NIN: variants seen among roughly 807,000 people sequenced by gnomAD.
The protein encoded by NIN is ninein.
Under a neutral mutation model 257.6 loss-of-function variants are expected in NIN, and 137 were observed. That is an observed-to-expected ratio of 0.53 (90% CI 0.46 to 0.61). NIN has a LOEUF of 0.61. Ranked by LOEUF, NIN falls within the 20% of genes least tolerant of loss-of-function variation. The pLI, the probability that NIN is intolerant of heterozygous loss-of-function variation, is 0.00. For missense variants in NIN, 2,439 were observed against 2,501.2 expected, an observed-to-expected ratio of 0.98 and a Z score of 0.53; for synonymous variants, 918 against 919.8, an observed-to-expected ratio of 1.00 and a Z score of 0.04.
In NIN at chr14:50,770,871, G is replaced by A. The variant is rs1566829746; in HGVS notation, c.1240C>T (p.Arg414Trp). ...CCTCACCTGAGGTTGTACTCATTCCGCCGCTCTATGGCCGCATGGTGATCA... is the reference window on the plus strand; with the variant it reads ...CCTCACCTGAGGTTGTACTCATTCCACCGCTCTATGGCCGCATGGTGATCA... ...VDDHHAAIER[R>W]NEYNLRKLDE... The change falls in exon 11 of 31, where the codon CGG (arginine) becomes TGG (tryptophan). Residue 414 changes from arginine to tryptophan, a missense_variant. Physicochemically the swap from Arg to Trp is moderately radical, Grantham distance 101 (BLOSUM62 -3). Around this residue, in one of 3 missense-constraint regions of NIN, gnomAD observed 2,043 missense variants for 2,050.2 expected, o/e 1.00. Transcript: ENST00000530997. The A allele has an allele frequency of 5.0e-6, 8 of 1,613,652 alleles. No homozygotes were observed. The highest frequency in any genetic ancestry group is 6.8e-6 in the Non-Finnish European group (8 of 1,179,920).
intron 4 of NIN, among the ~76,000 whole-genome samples, chr14:50,804,771 C>T (rs1392431416): frequency 6.6e-6 from 1 of 151,564 alleles, no homozygotes; most frequent in East Asian, 1.9e-4. Context: ...AATACGCTAA[C>T]ACTAATGATT....
chr14:50,757,732 G>A lies in NIN; in HGVS notation c.3298C>T (p.Pro1100Ser). 5 of 1,614,114 alleles carry A rather than the reference G, an allele frequency of 3.1e-6. No homozygotes were observed. Among genetic ancestry groups the A allele is most frequent in the Non-Finnish European group, 4.2e-6 (5 of 1,180,010 alleles). Residue 1100 changes from proline (P) to serine (S), a missense_variant, in exon 18 of 31, where the codon CCA becomes TCA. Coordinates refer to ENST00000530997, the MANE Select transcript of NIN (RefSeq NM_020921.4). ...RLQQRLQKLE[P>S]GLVMSSCLDE... is the part of the protein sequence containing the mutation. ...AAACAAGAAGACATTACTAACCCTGGCTCTAACTTTTGTAGCCTCTGTTGC... is the reference window on the plus strand; with the variant it reads ...AAACAAGAAGACATTACTAACCCTGACTCTAACTTTTGTAGCCTCTGTTGC...
intron 30 of NIN, 66 bp downstream of exon 30, chr14:50,725,887 G>T: frequency 1.9e-6 from 3 of 1,613,344 alleles, no homozygotes; most frequent in South Asian, 1.1e-5. Flanking sequence ...GGCAATAAAG[G>T]GATGTAAAAC....
At position 50,758,074 on chromosome 14, in the gene NIN, T is replaced by C; in HGVS notation, c.2956A>G (p.Lys986Glu). 6.2e-7 allele frequency: 1 copy of C among 1,614,218 alleles called. No individual in the cohort carries two copies. Among genetic ancestry groups the C allele is most frequent in the Non-Finnish European group, 8.5e-7 (1 of 1,180,034 alleles). Residue 986 changes from lysine (K) to glutamate (E), a missense_variant, in exon 18 of 31, where the codon AAG becomes GAG. Coordinates refer to ENST00000530997, the MANE Select transcript of NIN (RefSeq NM_020921.4). ...HDQERQEMMS[K>E]LLAMENIHKA... Reference sequence around the variant, plus strand: ...TGAATGTTCTCCATGGCTAGAAGCTTGGACATCATTTCCTGCCTTTCCTGG... The same window carrying C: ...TGAATGTTCTCCATGGCTAGAAGCTCGGACATCATTTCCTGCCTTTCCTGG...
intron 4 of NIN, among the ~76,000 whole-genome samples, chr14:50,797,099 T>C (rs2043873580): frequency 6.6e-6 from 1 of 151,948 alleles, no homozygotes; most frequent in Non-Finnish European, 1.5e-5. Context: ...TTAAAGGAGA[T>C]TTTTCAAAGA....
At position 50,778,764 on chromosome 14, in the gene NIN, C is replaced by A. The variant is rs746868457; in HGVS notation, c.475+1G>T. The A allele has an allele frequency of 6.2e-7, 1 of 1,614,042 alleles. No homozygotes were observed. The highest frequency in any genetic ancestry group is 8.5e-7 in the Non-Finnish European group (1 of 1,179,994). On this transcript the variant is annotated splice_donor_variant, in intron 6 of 30. Transcript: ENST00000530997. LOFTEE classifies it high-confidence loss of function. ...CACGTCCTGACACACTCGGCTCTTA[C>A]CTTCCGCTTCATACTCCTCACTGCG...
intron 18 of NIN, among the ~76,000 whole-genome samples, chr14:50,755,648 C>CTCTTTTTTTTTTTTTT (rs1566808426): frequency 1.3e-5 from 1 of 79,992 alleles, no homozygotes. Context: ...TGTTTTGTCT[C>CTCTTTTTTTTTTTTTT]TTTTTTTTTT....
chr14:50,814,333 A>C (rs2044778787), intron 3 of NIN, among the ~76,000 whole-genome samples: 1 of 152,198 alleles, frequency 6.6e-6, no homozygotes, highest in Non-Finnish European at 1.5e-5. Flanking sequence ...ATTACTAGGA[A>C]GTCACTATTT....
chr14:50,766,870 AT>A lies in NIN; in HGVS notation c.1454del (p.Asn485MetfsTer4), dbSNP rs1217104561. 1 of 1,613,498 alleles carries A rather than the reference AT, an allele frequency of 6.2e-7. No individual in the cohort carries two copies. The highest frequency in any genetic ancestry group is 8.5e-7 in the Non-Finnish European group (1 of 1,179,624). On this transcript the variant is annotated frameshift_variant, in exon 13 of 31. Coordinates refer to ENST00000530997, the MANE Select transcript of NIN (RefSeq NM_020921.4). LOFTEE classifies it high-confidence loss of function. The stretch of plus-strand genomic sequence containing the variant: ...ACTTCTCTGCATTTTCTAGAAGCTC[AT>A]TTTCCAGACGACTGTTTTCCTGAAC... ...LSLKENSRLE[N>X]ELLENAEKLA...
chr14:50,733,485 TCCTTAGCTGTTC>T (rs2040822248), intron 28 of NIN, among the ~76,000 whole-genome samples: 1 of 152,214 alleles, frequency 6.6e-6, no homozygotes, highest in East Asian at 1.9e-4. Context: ...CCATGCTTTT[TCCTTAGCTGTTC>T]GGCTCCAGTG....
At chr14:50,772,703 T>C (rs2042784470) in intron 8 of NIN, among the ~76,000 whole-genome samples, 1 of 152,196 alleles carries the variant, frequency 6.6e-6, no homozygotes, top group Non-Finnish European at 1.5e-5. Flanking sequence ...TGTCCCTAAT[T>C]AACACCAGGT....
chr14:50,823,185 AT>A lies in NIN; in HGVS notation c.-21-1109del, dbSNP rs757656518. 3.1e-5 allele frequency: 17 copies of A among 554,516 alleles called. No homozygotes were observed. In the Admixed American group the frequency reaches 3.5e-4, roughly 11 times the overall value. The allele number at this position is 554,516 out of a possible 1,614,324, so 34.3% of individuals were successfully genotyped here. A position where few individuals can be genotyped will look rare whatever the true frequency, so the allele number is the denominator to read the frequency against. ...TTTTTTTTTCCTTGCATGACAGTTC[AT>A]TTTTAACGTGCTGGATTTTCCGATG... On this transcript the variant is annotated intron_variant, in intron 2 of 30. Transcript: ENST00000530997.
At chr14:50,822,247 G>C (rs557505227) in intron 2 of NIN, among the ~76,000 whole-genome samples, 170 bp from the exon 3 acceptor site, 1 of 152,284 alleles carries the variant, frequency 6.6e-6, no homozygotes, top group Admixed American at 6.5e-5. Flanking sequence ...TGTAGGACCA[G>C]CCCTGGCCAG....
chr14:50,793,010 T>G, intron 4 of NIN, 129 bp from the exon 5 acceptor site: 1 of 875,774 alleles, frequency 1.1e-6, no homozygotes, highest in South Asian at 1.7e-5. Context: ...CCAATTGTGG[T>G]GGCTGTGGGT....
chr14:50,758,389 T>G lies in NIN; in HGVS notation c.2641A>C (p.Lys881Gln), dbSNP rs1224090831. Reference sequence around the variant, plus strand: ...ACCAGAGAAGTTGTTTTCTCTCTCTTAAGAGTCTCTTTCAGCAGCTCCTGG... The same window carrying G: ...ACCAGAGAAGTTGTTTTCTCTCTCTGAAGAGTCTCTTTCAGCAGCTCCTGG... ...EAQELLKETL[K>Q]REKTTSLVLT... Residue 881 changes from lysine (K) to glutamine (Q), a missense_variant, in exon 18 of 31, where the codon AAG (lysine) becomes CAG (glutamine). Physicochemically the swap from Lys to Gln is moderately conservative, Grantham distance 53. Transcript: ENST00000530997. The G allele has an allele frequency of 6.2e-7, 1 of 1,614,080 alleles. No individual in the cohort carries two copies. The highest frequency in any genetic ancestry group is 2.2e-5 in the East Asian group (1 of 44,886).
Position 50,822,487 on chromosome 14 carries a change from T to C in NIN, c.-21-410A>G, listed in dbSNP as rs78382073. ...AAAAGCCACTTTGACAGCAAGACTATTCAAGTGAACTAATTGTTAGCGCCA... is the reference window on the plus strand; with the variant it reads ...AAAAGCCACTTTGACAGCAAGACTACTCAAGTGAACTAATTGTTAGCGCCA... On this transcript the variant is annotated intron_variant, in intron 2 of 30. Coordinates refer to ENST00000530997, the MANE Select transcript of NIN (RefSeq NM_020921.4). 7.8e-3 allele frequency among the ~76,000 whole-genome samples: 1,190 copies of C among 152,292 alleles called. 24 individuals carry two copies. Among genetic ancestry groups the C allele is most frequent in the African/African-American group, 0.028 (1,157 of 41,566 alleles).
chr14:50,756,621 T>C lies in NIN; in HGVS notation c.4409A>G (p.Glu1470Gly). ...TTGCTTAACTAAAATAGTGACTCTC[T>C]CCTTCAACTTCCTAGTCAGCTCCTG... ...KLQELTRKLK[E>G]RVTILVKQKD... The change falls in exon 18 of 31, where the codon GAG (glutamate) becomes GGG (glycine). Residue 1470 changes from glutamate (E) to glycine (G), a missense_variant. Physicochemically the swap from Glu to Gly is moderately conservative, Grantham distance 98. Transcript: ENST00000530997. 1 of 1,565,670 alleles carries C rather than the reference T, an allele frequency of 6.4e-7. No individual in the cohort carries two copies. The highest frequency in any genetic ancestry group is 2.4e-5 in the East Asian group (1 of 42,360).
Position 50,757,531 on chromosome 14 carries a change from C to T in NIN, c.3499G>A (p.Glu1167Lys), listed in dbSNP as rs143257327. The T allele has an allele frequency of 7.0e-5, 113 of 1,613,916 alleles. No individual in the cohort carries two copies. The highest frequency in any genetic ancestry group is 5.7e-5 in the Non-Finnish European group (67 of 1,180,002). Residue 1167 changes from glutamate to lysine, a missense_variant, in exon 18 of 31, where the codon GAA becomes AAA. Physicochemically the swap from Glu to Lys is moderately conservative, Grantham distance 56. Transcript: ENST00000530997. ...STGTSSVQRQ[E>K]VKIEESEASV... ...GCTTCAGACTCCTCTATTTTGACTT[C>T]CTGTCTCTGAACAGAGCTCGTCCCT...
rs114595196 is a variant in NIN at position 50,771,179 on chromosome 14, T to C, written c.1118+153A>G. On this transcript the variant is annotated intron_variant, in intron 10 of 30. Coordinates refer to ENST00000530997, the MANE Select transcript of NIN (RefSeq NM_020921.4). ...ATGTCAATCTAAGTTCTCCTTAATT[T>C]TCCTATACTTTAAGGAAGATGTGTG... is the stretch of plus-strand genomic sequence containing the variant. 6.4e-3 allele frequency among the ~76,000 whole-genome samples: 973 copies of C among 152,308 alleles called. 10 individuals carry two copies. Among genetic ancestry groups the C allele is most frequent in the African/African-American group, 0.023 (936 of 41,556 alleles).
Sources: gnomAD v4.1 joint callset for allele counts (sites outside exome capture counted in the v4.1 genomes callset) on GRCh38, gnomAD v4.1.1 for gene constraint, gnomAD v4.1.1 regional missense constraint, MANE v1.5 for transcripts, NCBI Gene and HGNC (gene_info 2026-07-23, HGNC 2026-07-21) for gene names.